FNDC1: variants seen among roughly 807,000 people sequenced by gnomAD.
The protein encoded by FNDC1 is fibronectin type III domain-containing protein 1.
FNDC1 carries 96 observed loss-of-function variants against 168.0 expected under a neutral mutation model. The ratio of observed to expected loss-of-function variants is 0.57; its 90% confidence interval spans 0.48 to 0.68. The LOEUF is 0.68. Among genes scored for constraint, FNDC1 ranks in the 30% least tolerant of loss-of-function variants. The pLI, the probability that FNDC1 is intolerant of heterozygous loss-of-function variation, is 0.00. For synonymous variants in FNDC1, 1,099 were observed against 1,025.9 expected, an observed-to-expected ratio of 1.07 and a Z score of -1.36; for missense variants, 2,587 against 2,482.1, an observed-to-expected ratio of 1.04 and a Z score of -0.90.
intron 22 of FNDC1, among the ~76,000 whole-genome samples, chr6:159,270,703 T>G (rs1001684981): frequency 7.9e-5 from 12 of 152,042 alleles, no homozygotes; most frequent in African/African-American, 2.4e-4. Context: ...ATGCTACAGG[T>G]TTTTTTTGAG....
In FNDC1 at chr6:159,271,530, C is replaced by A; in HGVS notation, c.*88C>A. 1.1e-6 allele frequency: 1 copy of A among 921,334 alleles called. No homozygotes were observed. Among genetic ancestry groups the A allele is most frequent in the Non-Finnish European group, 1.7e-6 (1 of 579,320 alleles). 57.1% of individuals were successfully genotyped at this position (921,334 alleles called of 1,614,324 possible). ...GCTGTGAGCAAAGACAGCCAGCGTGCTCAGCCCCGCTGCCCTAGGTGCCAG... is the reference window on the plus strand; with the variant it reads ...GCTGTGAGCAAAGACAGCCAGCGTGATCAGCCCCGCTGCCCTAGGTGCCAG... On this transcript the variant is annotated 3_prime_UTR_variant, in exon 23 of 23. Transcript: ENST00000297267.
intron 1 of FNDC1, among the ~76,000 whole-genome samples, chr6:159,184,631 C>A (rs182077247): frequency 6.6e-6 from 1 of 152,032 alleles, no homozygotes; most frequent in Non-Finnish European, 1.5e-5. Context: ...TTTCAGGGAG[C>A]TTTCTGAGTA....
At chr6:159,245,078 G>A (rs1382306404) in intron 14 of FNDC1, among the ~76,000 whole-genome samples, 3 of 152,228 alleles carry the variant, frequency 2.0e-5, no homozygotes, top group Admixed American at 1.3e-4. Context: ...AAGTGTGCAG[G>A]AAAAACTACC....
At chr6:159,234,660 T>C (rs1007491370) in intron 11 of FNDC1, among the ~76,000 whole-genome samples, 181 bp downstream of exon 11, 1 of 152,262 alleles carries the variant, frequency 6.6e-6, no homozygotes, top group Admixed American at 6.5e-5. Flanking sequence ...TTGTTATCCC[T>C]GTTTTCCAGA....
At chr6:159,189,903 G>A (rs1046183326) in intron 1 of FNDC1, among the ~76,000 whole-genome samples, 20 of 152,164 alleles carry the variant, frequency 1.3e-4, no homozygotes, top group African/African-American at 4.8e-4. Flanking sequence ...CTGGGACTGT[G>A]CTGGGCTCTT....
chr6:159,184,346 A>T (rs1279113178), intron 1 of FNDC1, among the ~76,000 whole-genome samples: 1 of 152,130 alleles, frequency 6.6e-6, no homozygotes, highest in Non-Finnish European at 1.5e-5. Context: ...ACTTCCTTAA[A>T]TATTTTTTTC....
chr6:159,227,761 G>T (rs1015222716), intron 9 of FNDC1, among the ~76,000 whole-genome samples: 13 of 151,620 alleles, frequency 8.6e-5, no homozygotes, highest in African/African-American at 2.9e-4. Flanking sequence ...ATTGGAAGAA[G>T]AATTGTCTTG....
At position 159,234,063 on chromosome 6, in the gene FNDC1, A is replaced by G; in HGVS notation, c.3551A>G (p.Asp1184Gly). 1 of 1,612,568 alleles carries G rather than the reference A, an allele frequency of 6.2e-7. No homozygotes were observed. The highest frequency in any genetic ancestry group is 8.5e-7 in the Non-Finnish European group (1 of 1,179,442). ...TCAGCCGAGGACGACGAGGAGGAGG[A>G]CGCGGGATTTTTTAAAGGCGGGAAA... ...SVSAEDDEEE[D>G]AGFFKGGKED... The change falls in exon 11 of 23, where the codon GAC becomes GGC. Residue 1184 changes from aspartate to glycine, a missense_variant. Coordinates refer to ENST00000297267, the MANE Select transcript of FNDC1 (RefSeq NM_032532.3).
intron 21 of FNDC1, among the ~76,000 whole-genome samples, chr6:159,267,296 T>C (rs749207978): frequency 3.9e-5 from 6 of 152,156 alleles, no homozygotes; most frequent in Non-Finnish European, 7.3e-5. Flanking sequence ...TAGGAGAGGC[T>C]GCATAACCAT....
intron 5 of FNDC1, among the ~76,000 whole-genome samples, chr6:159,220,712 T>C (rs1296103210): frequency 2.6e-5 from 4 of 152,222 alleles, no homozygotes; most frequent in East Asian, 3.8e-4. Flanking sequence ...TCAAGTGCAA[T>C]GGCCCCTGGT....
intron 18 of FNDC1, 141 bp from the exon 19 acceptor site, chr6:159,261,049 A>G: frequency 1.7e-6 from 1 of 602,878 alleles, no homozygotes; most frequent in Middle Eastern, 3.8e-4. Flanking sequence ...AGACATGAAG[A>G]ATCACTAGTG....
intron 14 of FNDC1, among the ~76,000 whole-genome samples, chr6:159,241,605 C>T (rs964681048): frequency 5.9e-5 from 9 of 152,180 alleles, no homozygotes; most frequent in Admixed American, 3.9e-4. Flanking sequence ...GGGACAGTAA[C>T]ATATCATCCT....
At chr6:159,256,477 C>A in intron 17 of FNDC1, 46 bp from the exon 18 acceptor site, 2 of 1,392,998 alleles carry the variant, frequency 1.4e-6, no homozygotes, top group Non-Finnish European at 2.0e-6. Flanking sequence ...TTGTGTGTGA[C>A]TTGGTTCCTT....
chr6:159,170,819 G>A (rs1781639212), intron 1 of FNDC1, among the ~76,000 whole-genome samples: 1 of 152,152 alleles, frequency 6.6e-6, no homozygotes, highest in Admixed American at 6.5e-5. Context: ...GCCTGCCGTA[G>A]GGTCTTTTTC....
chr6:159,267,491 A>G (rs1777615294), intron 21 of FNDC1, among the ~76,000 whole-genome samples: 1 of 151,928 alleles, frequency 6.6e-6, no homozygotes, highest in Non-Finnish European at 1.5e-5. Flanking sequence ...CAACTATCAT[A>G]GTTTTCATCA....
intron 6 of FNDC1, among the ~76,000 whole-genome samples, chr6:159,222,543 A>G (rs1185848856): frequency 1.3e-5 from 2 of 152,232 alleles, no homozygotes; most frequent in African/African-American, 2.4e-5. Context: ...AAAACCCAAG[A>G]GACTACAGAG....
chr6:159,170,658 G>GTA (rs1260421789), intron 1 of FNDC1, among the ~76,000 whole-genome samples: 1 of 152,180 alleles, frequency 6.6e-6, no homozygotes, highest in Non-Finnish European at 1.5e-5. Flanking sequence ...GCTATTTAGT[G>GTA]TATATATTGT....
At chr6:159,268,167 G>T (rs749118023) in intron 22 of FNDC1, among the ~76,000 whole-genome samples, 1 of 152,170 alleles carries the variant, frequency 6.6e-6, no homozygotes, top group Non-Finnish European at 1.5e-5. Flanking sequence ...AGAAGGCAAA[G>T]ATAAACACAC....
Position 159,233,930 on chromosome 6 carries a change from C to G in FNDC1, c.3418C>G (p.Arg1140Gly). ...TGCGGCCTCCCCCGCCAGGCCCAGC[C>G]GACCCGGCGGCCCCCAGTCCCGCGC... ...GHAASPARPSRPGGPQSRARV... is the reference protein window; with the variant it reads ...GHAASPARPSGPGGPQSRARV... The change falls in exon 11 of 23, where the codon CGA (arginine) becomes GGA (glycine). Residue 1140 changes from arginine (R) to glycine (G), a missense_variant. Coordinates refer to ENST00000297267, the MANE Select transcript of FNDC1 (RefSeq NM_032532.3). This position sits in a 1 kb window ranked among gnomAD's most constrained non-coding sequence, Gnocchi z 4.6. 6.4e-7 allele frequency: 1 copy of G among 1,553,498 alleles called. No individual in the cohort carries two copies. The highest frequency in any genetic ancestry group is 8.7e-7 in the Non-Finnish European group (1 of 1,148,482).
Sources: gnomAD v4.1 joint callset for allele counts (sites outside exome capture counted in the v4.1 genomes callset) on GRCh38, gnomAD v4.1.1 for gene constraint, Gnocchi (gnomAD v3.1) non-coding constraint, MANE v1.5 for transcripts, NCBI Gene and HGNC (gene_info 2026-07-23, HGNC 2026-07-21) for gene names.